GRIA1: variants seen among roughly 807,000 people sequenced by gnomAD.
GRIA1 encodes the protein glutamate ionotropic receptor AMPA type subunit 1.
A neutral mutation model predicts 99.2 loss-of-function variants in GRIA1; 31 were observed. The ratio of observed to expected loss-of-function variants is 0.31; its 90% CI spans 0.23 to 0.42. The LOEUF (loss-of-function observed/expected upper bound fraction) is 0.42. GRIA1 is among the 10% of genes least tolerant of loss of function. The pLI is 1.00. For missense variants in GRIA1, 782 were observed against 1,157.5 expected, an observed-to-expected ratio of 0.68 and a Z score of 4.71; for synonymous variants, 438 against 432.4, an observed-to-expected ratio of 1.01 and a Z score of -0.16.
At chr5:153,718,432 G>A (rs1759814311) in intron 11 of GRIA1, among the ~76,000 whole-genome samples, 1 of 152,064 alleles carries the variant, frequency 6.6e-6, no homozygotes, top group African/African-American at 2.4e-5. Flanking sequence ...AGCAAAGAAG[G>A]GGAGATGACT....
At chr5:153,619,636 A>G (rs1346326103) in intron 2 of GRIA1, among the ~76,000 whole-genome samples, 2 of 152,184 alleles carry the variant, frequency 1.3e-5, no homozygotes, top group Non-Finnish European at 2.9e-5. Flanking sequence ...TTTATTTAAA[A>G]TGGAAAAGGG....
At chr5:153,492,400 T>C in intron 1 of GRIA1, 1 of 1,169,518 alleles carries the variant, frequency 8.6e-7, no homozygotes, top group Non-Finnish European at 1.1e-6. Context: ...AGCCTTCTAC[T>C]CCTCAACCTC....
intron 11 of GRIA1, among the ~76,000 whole-genome samples, chr5:153,762,290 A>G (rs1047624104): frequency 1.3e-5 from 2 of 152,164 alleles, no homozygotes; most frequent in South Asian, 4.1e-4. Context: ...AATATCTACA[A>G]TTTTTATGTG....
At chr5:153,599,708 T>C (rs886387910) in intron 2 of GRIA1, among the ~76,000 whole-genome samples, 3 of 152,122 alleles carry the variant, frequency 2.0e-5, no homozygotes, top group Non-Finnish European at 2.9e-5. Context: ...TGTACTCAAA[T>C]TATTTGAGAG....
intron 5 of GRIA1, among the ~76,000 whole-genome samples, chr5:153,663,036 G>A (rs1022413051): frequency 9.9e-5 from 15 of 152,152 alleles, no homozygotes; most frequent in Non-Finnish European, 1.3e-4. Flanking sequence ...CCTTTGGAAG[G>A]AAAAGGAGAG....
intron 4 of GRIA1, among the ~76,000 whole-genome samples, chr5:153,653,418 C>A (rs1485560273): frequency 6.6e-6 from 1 of 152,092 alleles, no homozygotes; most frequent in Non-Finnish European, 1.5e-5. Flanking sequence ...TCAAGAATAT[C>A]CTTGGAAACC....
In GRIA1 at chr5:153,645,906, T is replaced by C. The variant is rs192681418; in HGVS notation, c.221-1022T>C. On this transcript the variant is annotated intron_variant, in intron 2 of 15. Transcript: ENST00000285900. ...AAAGCACTCTAAAATACTGTTTTCA[T>C]GACAAGGATGAATGACTTTCCTCAC... Among the ~76,000 whole-genome samples, 649 of 152,344 alleles carry C rather than the reference T, an allele frequency of 4.3e-3. 4 individuals are homozygous for C. Among genetic ancestry groups the C allele is most frequent in the African/African-American group, 0.014 (581 of 41,576 alleles).
chr5:153,555,063 T>G (rs1873905), intron 2 of GRIA1, among the ~76,000 whole-genome samples: 70,869 of 151,862 alleles, frequency 0.47, 18,274 homozygotes, highest in Non-Finnish European at 0.59. Context: ...CCTCTGATTC[T>G]CAGTGATGTA....
At chr5:153,765,001 C>T (rs963281927) in intron 12 of GRIA1, among the ~76,000 whole-genome samples, 2 of 152,038 alleles carry the variant, frequency 1.3e-5, no homozygotes, top group Admixed American at 6.5e-5. Flanking sequence ...ACCTGATGCT[C>T]TTTGTGTCCC....
chr5:153,625,490 T>C (rs967785057), intron 2 of GRIA1, among the ~76,000 whole-genome samples: 2 of 152,186 alleles, frequency 1.3e-5, no homozygotes, highest in African/African-American at 4.8e-5. Flanking sequence ...TACGGGGCAC[T>C]GCAGGGGATA....
At chr5:153,662,693 C>T (rs1755457073) in intron 5 of GRIA1, among the ~76,000 whole-genome samples, 5 of 152,168 alleles carry the variant, frequency 3.3e-5, no homozygotes, top group Admixed American at 3.3e-4. Flanking sequence ...TCTGAATTCA[C>T]CCAGAAGTTA....
At chr5:153,506,520 A>G (rs1165721051) in intron 2 of GRIA1, among the ~76,000 whole-genome samples, 3 of 152,150 alleles carry the variant, frequency 2.0e-5, no homozygotes, top group African/African-American at 7.2e-5. Flanking sequence ...GCCAAGCTCC[A>G]TTTGTTAATT....
intron 11 of GRIA1, among the ~76,000 whole-genome samples, chr5:153,707,043 CG>C (rs1338801756): frequency 3.9e-5 from 6 of 152,118 alleles, no homozygotes; most frequent in South Asian, 4.2e-4. Context: ...CACTTGAACC[CG>C]GGAGGCAGAG....
At chr5:153,784,300 A>G (rs1764830161) in intron 13 of GRIA1, among the ~76,000 whole-genome samples, 1 of 152,164 alleles carries the variant, frequency 6.6e-6, no homozygotes, top group Non-Finnish European at 1.5e-5. Flanking sequence ...GACATGTCAC[A>G]TAATTTGATC....
intron 11 of GRIA1, among the ~76,000 whole-genome samples, chr5:153,760,546 G>T (rs1265003326): frequency 6.6e-6 from 1 of 151,942 alleles, no homozygotes; most frequent in Non-Finnish European, 1.5e-5. Flanking sequence ...CAAATGGAAA[G>T]ATATCCATTA....
At chr5:153,641,446 C>T (rs1753772080) in intron 2 of GRIA1, among the ~76,000 whole-genome samples, 1 of 152,128 alleles carries the variant, frequency 6.6e-6, no homozygotes, top group African/African-American at 2.4e-5. Context: ...TAGAATTGGA[C>T]AGCCCACGCC....
At position 153,811,229 on chromosome 5, in the gene GRIA1, G is replaced by C. The variant is rs780411242; in HGVS notation, c.*4G>C. On this transcript the variant is annotated 3_prime_UTR_variant, in exon 16 of 16. Transcript: ENST00000285900. ...CTTGGGAGCCACGGGATTGTAACTG[G>C]AGCAGATGGAGACCCCTTGGGGAGC... 1.2e-6 allele frequency: 2 copies of C among 1,611,250 alleles called. No homozygotes were observed. Among genetic ancestry groups the C allele is most frequent in the East Asian group, 2.2e-5 (1 of 44,828 alleles).
intron 8 of GRIA1, among the ~76,000 whole-genome samples, chr5:153,695,439 G>A (rs1230067223): frequency 1.3e-5 from 2 of 152,138 alleles, no homozygotes; most frequent in African/African-American, 2.4e-5. Flanking sequence ...CAAGGATGAG[G>A]AAGCCAGAGC....
intron 2 of GRIA1, among the ~76,000 whole-genome samples, chr5:153,638,913 A>G (rs1753585088): frequency 6.6e-6 from 1 of 152,196 alleles, no homozygotes; most frequent in Non-Finnish European, 1.5e-5. Flanking sequence ...AATGGAAAGG[A>G]TCTGCAAAGA....
Sources: allele counts gnomAD v4.1 joint callset (sites outside exome capture counted in the v4.1 genomes callset), GRCh38; gene constraint gnomAD v4.1.1; transcripts MANE v1.5; gene names NCBI Gene and HGNC (gene_info 2026-07-23, HGNC 2026-07-21).